CCDC57: variants seen among roughly 807,000 people sequenced by gnomAD.
CCDC57 encodes coiled-coil domain-containing protein 57.
Under a neutral mutation model 118.9 loss-of-function variants are expected in CCDC57, and 118 were observed. That is an observed-to-expected ratio of 0.99 (90% CI 0.86 to 1.16). The LOEUF (loss-of-function observed/expected upper bound fraction) is 1.16, where lower values mean the gene tolerates loss of function less well. Among genes scored for constraint, CCDC57 ranks in the 50% most tolerant of loss-of-function variants. The pLI is 0.00. For synonymous variants in CCDC57, 527 were observed against 532.9 expected, an observed-to-expected ratio of 0.99 and a Z score of 0.15; for missense variants, 1,300 against 1,320.7, an observed-to-expected ratio of 0.98 and a Z score of 0.24.
rs545997922 is a variant in CCDC57, at chr17:82,113,935, G to A, written c.2900-12069C>T. Among the ~76,000 whole-genome samples the A allele has an allele frequency of 1.4e-3, 213 of 152,284 alleles. 1 individual carries two copies. Among genetic ancestry groups the A allele is most frequent in the Non-Finnish European group, 2.1e-3 (144 of 68,016 alleles). ...CACTCTGGCCTGGGCAACAGAGCGAGAATAAAGTAAATAAATAAGAGCCCC... is the reference window on the plus strand; with the variant it reads ...CACTCTGGCCTGGGCAACAGAGCGAAAATAAAGTAAATAAATAAGAGCCCC... On this transcript the variant is annotated intron_variant, in intron 19 of 19. Coordinates refer to ENST00000665763, the Ensembl canonical transcript of CCDC57.
intron 8 of CCDC57, 91 bp from the exon 8 acceptor site, chr17:82,184,023 GCGCGCGCGCACACACACACA>G (rs1246188792): frequency 7.0e-5 from 27 of 384,002 alleles, no homozygotes; most frequent in Admixed American, 6.5e-4. Flanking sequence ...ACATGCGCGC[GCGCGCGCGCACACACACACA>G]CACACACACA....
At chr17:82,208,032 G>C (rs7208673) in exon 2 of CCDC57, 72,177 of 151,958 alleles carry the variant, frequency 0.47, 17,896 homozygotes, top group East Asian at 0.88. Context: ...AAAACAGTTT[G>C]AGTTTTCCAG....
chr17:82,151,871 G>C, intron 15 of CCDC57, 98 bp from the exon 15 acceptor site: 8 of 1,024,518 alleles, frequency 7.8e-6, no homozygotes, highest in Non-Finnish European at 9.8e-6. Flanking sequence ...TGCTCTTCCA[G>C]GGTGGGCACT....
intron 4 of CCDC57, 108 bp downstream of exon 3, chr17:82,198,206 G>A (rs2048535662): frequency 1.6e-6 from 1 of 640,626 alleles, no homozygotes; most frequent in Non-Finnish European, 2.7e-6. Context: ...CAAGGAGAAT[G>A]CAGGCAATGA....
intron 15 of CCDC57, chr17:82,156,736 C>T (rs2042725616): frequency 6.6e-6 from 1 of 152,506 alleles, no homozygotes; most frequent in Admixed American, 6.5e-5. Context: ...CCTTCCCATA[C>T]CTGCCCTGTT....
At chr17:82,119,142 T>C (rs1361939780) in intron 19 of CCDC57, among the ~76,000 whole-genome samples, 1 of 646 alleles carries the variant, frequency 1.5e-3, no homozygotes. Flanking sequence ...GTGGGGGTGG[T>C]GAGAAATTAG....
At chr17:82,120,834 C>T (rs1428554648) in intron 19 of CCDC57, among the ~76,000 whole-genome samples, 1 of 152,074 alleles carries the variant, frequency 6.6e-6, no homozygotes, top group East Asian at 1.9e-4. Context: ...CGGCTCACTG[C>T]AAGCTCCGCC....
At chr17:82,105,552 C>A (rs1176244536) in intron 19 of CCDC57, among the ~76,000 whole-genome samples, 1 of 152,152 alleles carries the variant, frequency 6.6e-6, no homozygotes, top group African/African-American at 2.4e-5. Flanking sequence ...CACGCCCACC[C>A]GTGTCTCCCC....
chr17:82,194,502 G>C (rs1185208336), intron 5 of CCDC57, among the ~76,000 whole-genome samples: 1 of 151,898 alleles, frequency 6.6e-6, no homozygotes, highest in Non-Finnish European at 1.5e-5. Flanking sequence ...GTAGAGACAG[G>C]GTTTCCCATG....
chr17:82,137,775 G>A (rs1478420334), intron 16 of CCDC57, among the ~76,000 whole-genome samples: 2 of 151,168 alleles, frequency 1.3e-5, no homozygotes, highest in Non-Finnish European at 2.9e-5. Flanking sequence ...CTTGGTTCAA[G>A]CGGTTCTCCT....
chr17:82,132,759 CTTTT>C (rs71166188), intron 17 of CCDC57, among the ~76,000 whole-genome samples: 1 of 123,946 alleles, frequency 8.1e-6, no homozygotes, highest in Non-Finnish European at 1.7e-5. Flanking sequence ...GACAACCTTG[CTTTT>C]TTTTTTTTTT....
At position 82,199,477 on chromosome 17, in the gene CCDC57, C is replaced by CAAAAAAAACAAAAAAA. The variant is rs2048731803; in HGVS notation, c.408-1056_408-1055insTTTTTTTGTTTTTTTT. Among the ~76,000 whole-genome samples, 2 of 87,718 alleles carry CAAAAAAAACAAAAAAA rather than the reference C, an allele frequency of 2.3e-5. 1 individual carries two copies. Among genetic ancestry groups the CAAAAAAAACAAAAAAA allele is most frequent in the Admixed American group, 2.8e-4 (2 of 7,220 alleles). 57.5% of individuals were successfully genotyped at this position (87,718 alleles called of 152,430 possible). A position where few individuals can be genotyped will look rare whatever the true frequency, so the allele number is the denominator to read the frequency against. Reference sequence around the variant, plus strand: ...TGGGCGACAGAGCAAGACTCTGTCTCAAAAAAAAAAAAAGAGTGTGAGACT... The same window carrying CAAAAAAAACAAAAAAA: ...TGGGCGACAGAGCAAGACTCTGTCTCAAAAAAAACAAAAAAAAAAAAAAAAAAAAGAGTGTGAGACT... On this transcript the variant is annotated intron_variant, in intron 3 of 19. Transcript: ENST00000665763.
At chr17:82,110,551 C>G (rs1160243706) in intron 19 of CCDC57, among the ~76,000 whole-genome samples, 1 of 152,204 alleles carries the variant, frequency 6.6e-6, no homozygotes, top group Non-Finnish European at 1.5e-5. Flanking sequence ...TTCACTTTCT[C>G]TTTCGGCAAA....
At chr17:82,165,278 C>G (rs2043839357) in intron 13 of CCDC57, among the ~76,000 whole-genome samples, 1 of 152,212 alleles carries the variant, frequency 6.6e-6, no homozygotes, top group South Asian at 2.1e-4. Flanking sequence ...GACGGAGCCC[C>G]TACAGTCCAC....
chr17:82,157,388 G>A (rs929345535), intron 15 of CCDC57: 5 of 1,135,708 alleles, frequency 4.4e-6, no homozygotes, highest in Admixed American at 8.6e-5. Context: ...GCACGCAGAC[G>A]CCCCCTCAGC....
chr17:82,201,099 A>G (rs2048941213), intron 3 of CCDC57, among the ~76,000 whole-genome samples: 1 of 152,216 alleles, frequency 6.6e-6, no homozygotes, highest in Admixed American at 6.5e-5. Flanking sequence ...GTTGAGTTCC[A>G]GGGGCCCCAC....
intron 13 of CCDC57, among the ~76,000 whole-genome samples, chr17:82,168,801 A>G (rs1312889153): frequency 6.6e-6 from 1 of 152,014 alleles, no homozygotes; most frequent in Non-Finnish European, 1.5e-5. Context: ...CTAAAAAAAA[A>G]AAACCCTAAA....
chr17:82,211,011 A>AAG (rs2050147265), intron 1 of CCDC57, among the ~76,000 whole-genome samples: 1 of 15,238 alleles, frequency 6.6e-5, no homozygotes, highest in African/African-American at 2.0e-4. Flanking sequence ...AAAAAAAAAG[A>AAG]AAAAAAAAAA....
intron 16 of CCDC57, chr17:82,134,399 G>T: frequency 2.4e-6 from 1 of 409,424 alleles, no homozygotes; most frequent in Non-Finnish European, 4.2e-6. Flanking sequence ...ACAATGCCAC[G>T]CCCCTGCCAC....
Sources: gnomAD v4.1 joint callset for allele counts (sites outside exome capture counted in the v4.1 genomes callset) on GRCh38, gnomAD v4.1.1 for gene constraint, MANE v1.5 for transcripts, NCBI Gene and HGNC (gene_info 2026-07-23, HGNC 2026-07-21) for gene names.